Variants in OTOGL observed in about 807,000 individuals in gnomAD.
OTOGL encodes otogelin-like protein.
A neutral mutation model predicts 318.5 loss-of-function variants in OTOGL; 285 were observed. The observed-to-expected ratio is 0.89, with a 90% confidence interval of 0.81 to 0.99. The LOEUF (loss-of-function observed/expected upper bound fraction) is 0.99. OTOGL is among the 50% of genes least tolerant of loss of function. The probability of loss-of-function intolerance (pLI) is 0.00; values close to 1 mark genes in which losing one functional copy is unlikely to be tolerated. For synonymous variants in OTOGL, 987 were observed against 936.5 expected (o/e 1.05, Z -0.99); for missense variants, 2,899 against 2,845.6 (o/e 1.02, Z -0.43).
At chr12:80,227,036 T>C (rs943206529) in intron 7 of OTOGL, among the ~76,000 whole-genome samples, 1 of 152,168 alleles carries the variant, frequency 6.6e-6, no homozygotes. Flanking sequence ...GAATTTCCTT[T>C]CCCATTCTTT....
intron 1 of OTOGL, among the ~76,000 whole-genome samples, chr12:80,126,191 C>T (rs559822215): frequency 0.019 from 2,862 of 151,988 alleles, 80 homozygotes; most frequent in African/African-American, 0.064. Context: ...CTGTAAATTT[C>T]CCTCTACACA....
At chr12:80,152,436 G>A (rs958880557) in intron 1 of OTOGL, among the ~76,000 whole-genome samples, 1 of 152,150 alleles carries the variant, frequency 6.6e-6, no homozygotes, top group Non-Finnish European at 1.5e-5. Context: ...AAGCTGAAAG[G>A]TCAGAGGTAC....
At chr12:80,309,060 T>G (rs1886454573) in intron 29 of OTOGL, among the ~76,000 whole-genome samples, 1 of 152,192 alleles carries the variant, frequency 6.6e-6, no homozygotes, top group Non-Finnish European at 1.5e-5. Flanking sequence ...AGTAGTCAAA[T>G]AATTTTAAAC....
chr12:80,103,703 C>T (rs1869282838), intron 1 of OTOGL, among the ~76,000 whole-genome samples: 1 of 152,178 alleles, frequency 6.6e-6, no homozygotes, highest in Non-Finnish European at 1.5e-5. Flanking sequence ...ATATTTATTG[C>T]ATGACTTTCT....
chr12:80,352,348 G>GTAT lies in OTOGL; in HGVS notation c.5319_5320insTAT (p.Trp1773_Asn1774insTyr). The GTAT allele has an allele frequency of 6.2e-7, 1 of 1,612,264 alleles. No individual in the cohort carries two copies. The highest frequency in any genetic ancestry group is 8.5e-7 in the Non-Finnish European group (1 of 1,179,112). ...TGTGGATCAATTATACCTATTTTTGGAACTATGAATGTGATGCACTTTCTG... is the reference window on the plus strand; with the variant it reads ...TGTGGATCAATTATACCTATTTTTGGTATAACTATGAATGTGATGCACTTTCTG... On this transcript the variant is annotated inframe_insertion, in exon 45 of 59. Coordinates refer to ENST00000547103, the MANE Select transcript of OTOGL (RefSeq NM_001378609.3).
chr12:80,177,173 G>A (rs755830263), intron 1 of OTOGL, among the ~76,000 whole-genome samples: 7 of 152,060 alleles, frequency 4.6e-5, no homozygotes, highest in Non-Finnish European at 7.4e-5. Context: ...TATAGTTCAT[G>A]TCTTTTTATA....
intron 1 of OTOGL, 41 bp from the exon 2 acceptor site, chr12:80,209,372 A>G (rs976785129): frequency 1.8e-6 from 2 of 1,126,278 alleles, no homozygotes; most frequent in African/African-American, 3.1e-5. Context: ...TACTTCTAAG[A>G]TGCCATCATA....
At chr12:80,112,043 CTGTT>C (rs770426208) in intron 1 of OTOGL, among the ~76,000 whole-genome samples, 27 of 152,128 alleles carry the variant, frequency 1.8e-4, no homozygotes, top group Non-Finnish European at 3.5e-4. Flanking sequence ...ATTTGGCTCT[CTGTT>C]TGTCTATAAT....
chr12:80,292,589 T>A (rs1885118139), intron 26 of OTOGL, among the ~76,000 whole-genome samples: 1 of 152,198 alleles, frequency 6.6e-6, no homozygotes, highest in Non-Finnish European at 1.5e-5. Flanking sequence ...TGCAGCTGAT[T>A]ATAAAGTGCT....
chr12:80,253,629 T>C (rs1047706115), intron 14 of OTOGL, 55 bp downstream of exon 14: 2 of 1,372,276 alleles, frequency 1.5e-6, no homozygotes, highest in African/African-American at 2.9e-5. Context: ...GTTGACAACT[T>C]TACCATGACA....
chr12:80,303,515 G>A (rs963040431), intron 28 of OTOGL, among the ~76,000 whole-genome samples: 1 of 152,128 alleles, frequency 6.6e-6, no homozygotes, highest in South Asian at 2.1e-4. Context: ...TATAGATTTT[G>A]ACAAATGCAT....
At chr12:80,368,438 C>G in intron 55 of OTOGL, 129 bp downstream of exon 55, 2 of 501,154 alleles carry the variant, frequency 4.0e-6, no homozygotes, top group Non-Finnish European at 7.1e-6. Flanking sequence ...CTACAGCACA[C>G]AAGACACAGT....
intron 21 of OTOGL, among the ~76,000 whole-genome samples, 185 bp downstream of exon 21, chr12:80,266,801 C>A (rs1017102548): frequency 6.6e-6 from 1 of 151,962 alleles, no homozygotes; most frequent in Non-Finnish European, 1.5e-5. Flanking sequence ...GATGGTTGAT[C>A]TTGAAGTGTA....
chr12:80,315,062 G>A (rs1214872909), intron 32 of OTOGL, among the ~76,000 whole-genome samples: 1 of 152,138 alleles, frequency 6.6e-6, no homozygotes, highest in East Asian at 1.9e-4. Flanking sequence ...GGTGGTTACT[G>A]GAGGCTAGTG....
At chr12:80,267,529 A>C (rs9783516) in intron 22 of OTOGL, among the ~76,000 whole-genome samples, 1 of 147,282 alleles carries the variant, frequency 6.8e-6, no homozygotes, top group African/African-American at 2.5e-5. Context: ...CATTACATTG[A>C]GTATATCTCC....
chr12:80,300,105 G>T (rs1286557079), intron 27 of OTOGL, among the ~76,000 whole-genome samples: 3 of 151,936 alleles, frequency 2.0e-5, no homozygotes, highest in African/African-American at 7.3e-5. Flanking sequence ...AGTTTCTGTG[G>T]CAGAGACTGA....
intron 57 of OTOGL, among the ~76,000 whole-genome samples, chr12:80,373,625 G>A (rs543308471): frequency 6.6e-6 from 1 of 151,304 alleles, no homozygotes; most frequent in South Asian, 2.1e-4. Flanking sequence ...ATATTAGAAT[G>A]TATTAAAATA....
In OTOGL at chr12:80,356,813, A is replaced by C; in HGVS notation, c.5918A>C (p.Asp1973Ala). 2.5e-6 allele frequency: 4 copies of C among 1,590,584 alleles called. No homozygotes were observed. Among genetic ancestry groups the C allele is most frequent in the Non-Finnish European group, 2.6e-6 (3 of 1,168,622 alleles). ...TGTAATTTTGTTTCTGCAGAATGTGACCCATTGAAATGCCCCAGTATTTCA... is the reference window on the plus strand; with the variant it reads ...TGTAATTTTGTTTCTGCAGAATGTGCCCCATTGAAATGCCCCAGTATTTCA... Reference protein sequence around the residue: ...SCCPQYKCECDPLKCPSISTP... With the variant: ...SCCPQYKCECAPLKCPSISTP... Residue 1973 changes from aspartate (D) to alanine (A), a missense_variant, in exon 49 of 59, where the codon GAC becomes GCC. This residue lies in a region of OTOGL where 2,607 missense variants were observed against 2,524.9 expected (regional missense o/e 1.03). Coordinates refer to ENST00000547103, the MANE Select transcript of OTOGL (RefSeq NM_001378609.3).
chr12:80,368,616 T>C (rs1397220583), intron 55 of OTOGL, among the ~76,000 whole-genome samples: 1 of 152,174 alleles, frequency 6.6e-6, no homozygotes, highest in Non-Finnish European at 1.5e-5. Flanking sequence ...AATATTTTTA[T>C]GTGACAGCTG....
Sources: allele counts gnomAD v4.1 joint callset (sites outside exome capture counted in the v4.1 genomes callset), GRCh38; gene constraint gnomAD v4.1.1; regional missense constraint gnomAD v4.1.1; transcripts MANE v1.5; gene names NCBI Gene and HGNC (gene_info 2026-07-23, HGNC 2026-07-21).